SIPA1L3: variants seen among roughly 807,000 people sequenced by gnomAD.
SIPA1L3 encodes the protein signal-induced proliferation-associated 1-like protein 3.
Under a neutral mutation model 150.1 loss-of-function variants are expected in SIPA1L3, and 59 were observed. That is an observed-to-expected ratio of 0.39 (90% CI 0.32 to 0.49). The LOEUF is 0.49. SIPA1L3 is among the 20% of genes least tolerant of loss of function. The probability of loss-of-function intolerance (pLI) is 0.86; values close to 1 mark genes in which losing one functional copy is unlikely to be tolerated. For missense variants in SIPA1L3, 2,211 were observed against 2,489.5 expected, an observed-to-expected ratio of 0.89 and a Z score of 2.38; for synonymous variants, 1,070 against 1,077.6, an observed-to-expected ratio of 0.99 and a Z score of 0.14.
At chr19:37,963,478 C>T (rs1030783145) in intron 1 of SIPA1L3, among the ~76,000 whole-genome samples, 1 of 152,236 alleles carries the variant, frequency 6.6e-6, no homozygotes, top group African/African-American at 2.4e-5. Flanking sequence ...GTTGGTCTTC[C>T]CCATTTGTTT....
At chr19:38,191,385 G>C (rs545527617) in intron 16 of SIPA1L3, among the ~76,000 whole-genome samples, 51 of 150,628 alleles carry the variant, frequency 3.4e-4, no homozygotes, top group Non-Finnish European at 6.5e-4. Context: ...GGGCAACGGA[G>C]GAGGCTCTGT....
At chr19:38,116,646 G>T (rs748970694) in intron 8 of SIPA1L3, among the ~76,000 whole-genome samples, 1 of 150,996 alleles carries the variant, frequency 6.6e-6, no homozygotes, top group African/African-American at 2.4e-5. Context: ...CCAGGAATTC[G>T]AGACCAGCCT....
intron 6 of SIPA1L3, among the ~76,000 whole-genome samples, chr19:38,104,687 T>C (rs1272485265): frequency 6.6e-6 from 1 of 152,134 alleles, no homozygotes; most frequent in African/African-American, 2.4e-5. Context: ...CTCTCCCACC[T>C]CAGCCTCCTG....
chr19:37,997,887 GAAAA>G (rs1168855789), intron 1 of SIPA1L3, among the ~76,000 whole-genome samples: 4 of 148,314 alleles, frequency 2.7e-5, no homozygotes, highest in South Asian at 4.3e-4. Context: ...AAAAAGAAAA[GAAAA>G]AGAGAGAGAG....
intron 1 of SIPA1L3, among the ~76,000 whole-genome samples, chr19:37,952,900 C>T (rs62108375): frequency 0.029 from 4,466 of 152,204 alleles, 108 homozygotes; most frequent in Non-Finnish European, 0.048. Context: ...TGAACACCAT[C>T]CTGGGTGATT....
chr19:38,168,769 G>T (rs1485908107), intron 15 of SIPA1L3, among the ~76,000 whole-genome samples: 1 of 152,218 alleles, frequency 6.6e-6, no homozygotes, highest in African/African-American at 2.4e-5. Flanking sequence ...AAATGGGAGA[G>T]GAGCCCGCTG....
intron 1 of SIPA1L3, among the ~76,000 whole-genome samples, chr19:37,933,163 C>G (rs1276603069): frequency 6.6e-6 from 1 of 152,074 alleles, no homozygotes; most frequent in African/African-American, 2.4e-5. Flanking sequence ...CCCCATTTTC[C>G]CTGTGTGACC....
Position 38,190,011 on chromosome 19 carries a change from G to T in SIPA1L3, c.4431-2134G>T, listed in dbSNP as rs1219859864. Among the ~76,000 whole-genome samples the T allele has an allele frequency of 5.3e-5, 8 of 152,296 alleles. No individual in the cohort carries two copies. The East Asian group carries it at 1.5e-3, about 29-fold the overall frequency. ...CCTGGCCCTTTCCTGGCTGGGGGCT[G>T]CTGTCTGCTCCACAGACAGGACCCT... On this transcript the variant is annotated intron_variant, in intron 16 of 21. Coordinates refer to ENST00000222345, the MANE Select transcript of SIPA1L3 (RefSeq NM_015073.3).
At chr19:38,054,861 C>T (rs1256498058) in intron 2 of SIPA1L3, among the ~76,000 whole-genome samples, 1 of 152,220 alleles carries the variant, frequency 6.6e-6, no homozygotes, top group East Asian at 1.9e-4. Context: ...ATGGGGATGG[C>T]TGCGCTTCTG....
chr19:37,976,814 A>G (rs1218205079), intron 1 of SIPA1L3, among the ~76,000 whole-genome samples: 1 of 152,068 alleles, frequency 6.6e-6, no homozygotes, highest in Non-Finnish European at 1.5e-5. Flanking sequence ...TATTATTTTT[A>G]TTAAGTGCTG....
intron 1 of SIPA1L3, among the ~76,000 whole-genome samples, chr19:37,956,145 G>T (rs1039582786): frequency 6.6e-6 from 1 of 152,128 alleles, no homozygotes. Flanking sequence ...GCGTGCCACC[G>T]CCCCTGGCTG....
At chr19:38,113,729 G>A (rs889733694) in intron 8 of SIPA1L3, among the ~76,000 whole-genome samples, 1 of 152,132 alleles carries the variant, frequency 6.6e-6, no homozygotes, top group Non-Finnish European at 1.5e-5. Flanking sequence ...GCACATAGTG[G>A]GCCCTAAAGC....
chr19:38,203,072 C>G (rs1018464298), intron 20 of SIPA1L3, among the ~76,000 whole-genome samples: 2 of 152,198 alleles, frequency 1.3e-5, no homozygotes, highest in Non-Finnish European at 2.9e-5. Flanking sequence ...GTGCACTGTA[C>G]TTCATGGGCA....
Position 38,192,164 on chromosome 19 carries a change from A to G in SIPA1L3, c.4450A>G (p.Lys1484Glu). Residue 1484 changes from lysine to glutamate, a missense_variant, in exon 17 of 22, where the codon AAA becomes GAA. This residue lies in a region of SIPA1L3 where 806 missense variants were observed against 870.1 expected (regional missense o/e 0.93). Coordinates refer to ENST00000222345, the MANE Select transcript of SIPA1L3 (RefSeq NM_015073.3). ...TTCCAGGCAGGTGGACACGAACACCAAAAATGTCTTTGGGCAACCGAGGTT... is the reference window on the plus strand; with the variant it reads ...TTCCAGGCAGGTGGACACGAACACCGAAAATGTCTTTGGGCAACCGAGGTT... The part of the protein sequence containing the change: ...DPKKQVDTNT[K>E]NVFGQPRLRA... 1 of 1,608,868 alleles carries G rather than the reference A, an allele frequency of 6.2e-7. No individual in the cohort carries two copies. Among genetic ancestry groups the G allele is most frequent in the Non-Finnish European group, 8.5e-7 (1 of 1,177,886 alleles).
chr19:38,130,367 A>G (rs902492542), intron 9 of SIPA1L3, 131 bp from the exon 10 acceptor site: 1 of 918,174 alleles, frequency 1.1e-6, no homozygotes, highest in African/African-American at 1.7e-5. Flanking sequence ...GTCCCCTGCC[A>G]TCACCCGGGA....
chr19:38,191,589 G>T (rs1341545089), intron 16 of SIPA1L3, among the ~76,000 whole-genome samples: 2 of 152,032 alleles, frequency 1.3e-5, no homozygotes, highest in African/African-American at 2.4e-5. Flanking sequence ...GAGGCGGGTG[G>T]ATCACCTGAG....
intron 9 of SIPA1L3, among the ~76,000 whole-genome samples, chr19:38,126,991 G>A (rs888795987): frequency 2.0e-5 from 3 of 152,010 alleles, no homozygotes; most frequent in South Asian, 2.1e-4. Context: ...TCAGGATTTC[G>A]ACACCAGCCT....
At chr19:38,188,536 A>G (rs1972737449) in intron 16 of SIPA1L3, among the ~76,000 whole-genome samples, 1 of 152,156 alleles carries the variant, frequency 6.6e-6, no homozygotes, top group Non-Finnish European at 1.5e-5. Flanking sequence ...CCTGTCAGTC[A>G]GAACCTGGAG....
intron 10 of SIPA1L3, among the ~76,000 whole-genome samples, chr19:38,132,956 G>A (rs1466771701): frequency 6.6e-6 from 1 of 152,100 alleles, no homozygotes; most frequent in East Asian, 1.9e-4. Context: ...CCTTTTCCTT[G>A]CAGTTTATTT....
Sources: gnomAD v4.1 joint callset for allele counts (sites outside exome capture counted in the v4.1 genomes callset) on GRCh38, gnomAD v4.1.1 for gene constraint, gnomAD v4.1.1 regional missense constraint, MANE v1.5 for transcripts, NCBI Gene and HGNC (gene_info 2026-07-23, HGNC 2026-07-21) for gene names.